Variants in RABGAP1L observed in about 807,000 individuals in gnomAD.
RABGAP1L encodes rab GTPase-activating protein 1-like.
Under a neutral mutation model 137.7 loss-of-function variants are expected in RABGAP1L, and 63 were observed. The ratio of observed to expected loss-of-function variants is 0.46; its 90% confidence interval spans 0.37 to 0.56. The LOEUF (loss-of-function observed/expected upper bound fraction) is 0.56. Among genes scored for constraint, RABGAP1L ranks in the 20% least tolerant of loss-of-function variants. The pLI is 0.00. For missense variants in RABGAP1L, 1,095 were observed against 1,244.0 expected (o/e 0.88, Z 1.80); for synonymous variants, 431 against 433.7 (o/e 0.99, Z 0.08).
intron 13 of RABGAP1L, among the ~76,000 whole-genome samples, chr1:174,537,083 C>T (rs1664951922): frequency 6.6e-6 from 1 of 152,120 alleles, no homozygotes; most frequent in East Asian, 1.9e-4. Context: ...AGTTGGTTGC[C>T]TTTTTTCTCT....
intron 21 of RABGAP1L, among the ~76,000 whole-genome samples, chr1:174,974,596 C>G (rs1159069667): frequency 6.6e-6 from 1 of 152,128 alleles, no homozygotes; most frequent in Non-Finnish European, 1.5e-5. Context: ...GATTTTCCCC[C>G]CTAAAATCTA....
At chr1:174,168,365 T>C (rs534199316) in intron 1 of RABGAP1L, among the ~76,000 whole-genome samples, 1 of 152,128 alleles carries the variant, frequency 6.6e-6, no homozygotes, top group South Asian at 2.1e-4. Context: ...TATATATATA[T>C]TGGCAGACAG....
At chr1:174,359,939 C>G (rs1366904073) in intron 11 of RABGAP1L, among the ~76,000 whole-genome samples, 2 of 152,172 alleles carry the variant, frequency 1.3e-5, no homozygotes, top group Non-Finnish European at 2.9e-5. Context: ...GGTTCCCAGC[C>G]TCTTTGGCCA....
At chr1:174,247,388 C>T (rs1672355673) in intron 5 of RABGAP1L, among the ~76,000 whole-genome samples, 1 of 152,140 alleles carries the variant, frequency 6.6e-6, no homozygotes, top group African/African-American at 2.4e-5. Flanking sequence ...AGTGTGGCAT[C>T]TCCACAGTGG....
At chr1:174,550,252 T>A (rs1223779057) in intron 13 of RABGAP1L, among the ~76,000 whole-genome samples, 5 of 152,154 alleles carry the variant, frequency 3.3e-5, no homozygotes, top group Non-Finnish European at 7.3e-5. Context: ...TTAAAAGTAG[T>A]TAATTTTTAC....
intron 13 of RABGAP1L, among the ~76,000 whole-genome samples, chr1:174,405,469 C>G (rs1003543748): frequency 3.3e-5 from 5 of 152,130 alleles, no homozygotes; most frequent in African/African-American, 1.2e-4. Flanking sequence ...CCAGCTGTGT[C>G]TGTACCATTG....
intron 13 of RABGAP1L, among the ~76,000 whole-genome samples, chr1:174,569,300 G>T (rs538331427): frequency 6.6e-6 from 1 of 152,168 alleles, no homozygotes; most frequent in Non-Finnish European, 1.5e-5. Context: ...GAGTTGGCTT[G>T]TACCATCTGA....
At chr1:174,347,117 CT>C (rs201530849) in intron 11 of RABGAP1L, among the ~76,000 whole-genome samples, 6 of 151,770 alleles carry the variant, frequency 4.0e-5, no homozygotes, top group Admixed American at 6.6e-5. Flanking sequence ...AAATTTAATA[CT>C]TTTTTTTGGC....
chr1:174,249,650 C>CTTTTTTTT (rs758531270), intron 5 of RABGAP1L, among the ~76,000 whole-genome samples: 2 of 124,496 alleles, frequency 1.6e-5, no homozygotes, highest in Non-Finnish European at 1.7e-5. Flanking sequence ...TTCTTTCTTT[C>CTTTTTTTT]TTTTTTTTTT....
At chr1:174,195,197 C>T (rs973552363) in intron 1 of RABGAP1L, among the ~76,000 whole-genome samples, 3 of 152,034 alleles carry the variant, frequency 2.0e-5, no homozygotes, top group African/African-American at 7.2e-5. Flanking sequence ...AGGGTTGATC[C>T]ATTATAATCT....
chr1:174,575,678 A>C lies in RABGAP1L; in HGVS notation c.1711-61697A>C, dbSNP rs370457728. ...CTATACTTAAAAGACATTTTATTTG[A>C]GCACCAAAGTAATTATAAATGGTTT... On this transcript the variant is annotated intron_variant, in intron 13 of 25. Coordinates refer to ENST00000681986, the MANE Select transcript of RABGAP1L (RefSeq NM_001366446.1). 2.2e-4 allele frequency among the ~76,000 whole-genome samples: 34 copies of C among 152,318 alleles called. No individual in the cohort carries two copies. In the South Asian group the frequency reaches 7.0e-3, roughly 32 times the overall value.
intron 19 of RABGAP1L, among the ~76,000 whole-genome samples, chr1:174,907,458 G>C (rs1317247363): frequency 6.6e-6 from 1 of 151,978 alleles, no homozygotes; most frequent in Admixed American, 6.6e-5. Context: ...GACTGCAGGT[G>C]TGTGCCACCA....
intron 14 of RABGAP1L, among the ~76,000 whole-genome samples, chr1:174,658,385 A>T (rs74786412): frequency 6.6e-6 from 1 of 152,104 alleles, no homozygotes; most frequent in African/African-American, 2.4e-5. Flanking sequence ...AGTATTTCCA[A>T]TTCCAATCCA....
chr1:174,615,675 C>T (rs1433531646), intron 13 of RABGAP1L, among the ~76,000 whole-genome samples: 2 of 152,212 alleles, frequency 1.3e-5, no homozygotes, highest in African/African-American at 4.8e-5. Flanking sequence ...TGCCCTGCCC[C>T]CAGAGGTGGA....
intron 1 of RABGAP1L, among the ~76,000 whole-genome samples, chr1:174,164,851 T>G (rs1431532949): frequency 6.6e-6 from 1 of 152,234 alleles, no homozygotes; most frequent in Non-Finnish European, 1.5e-5. Context: ...CTTAACTTTG[T>G]AAGTGAAGGA....
At chr1:174,313,261 C>T (rs913655548) in intron 11 of RABGAP1L, among the ~76,000 whole-genome samples, 4 of 152,102 alleles carry the variant, frequency 2.6e-5, no homozygotes, top group Admixed American at 6.6e-5. Context: ...TTCTTTTCCA[C>T]GTTGTTGACA....
chr1:174,243,404 G>T (rs1223596465), intron 5 of RABGAP1L, among the ~76,000 whole-genome samples: 1 of 152,014 alleles, frequency 6.6e-6, no homozygotes, highest in Non-Finnish European at 1.5e-5. Context: ...AATTTTTTGA[G>T]TGCATTTTAG....
intron 13 of RABGAP1L, among the ~76,000 whole-genome samples, chr1:174,401,787 G>A (rs755258140): frequency 2.0e-5 from 3 of 152,156 alleles, no homozygotes; most frequent in East Asian, 1.9e-4. Flanking sequence ...GCGATAACAT[G>A]GTTAAGCACT....
rs1427018153 is a variant in RABGAP1L, at chr1:174,385,771, A to T, written c.1560-8224A>T. Among the ~76,000 whole-genome samples, 3 of 152,354 alleles carry T rather than the reference A, an allele frequency of 2.0e-5. No homozygotes were observed. In the East Asian group the frequency reaches 5.8e-4, roughly 29 times the overall value. ...TGATAGGTGAAGTCTGATGAAGCCT[A>T]GAATTCCACTGGATTCAACAATTTA... On this transcript the variant is annotated intron_variant, in intron 12 of 25. Coordinates refer to ENST00000681986, the MANE Select transcript of RABGAP1L (RefSeq NM_001366446.1).
Sources: gnomAD v4.1 joint callset for allele counts (sites outside exome capture counted in the v4.1 genomes callset) on GRCh38, gnomAD v4.1.1 for gene constraint, MANE v1.5 for transcripts, NCBI Gene and HGNC (gene_info 2026-07-23, HGNC 2026-07-21) for gene names.